Variants in PRKCE observed in about 807,000 individuals in gnomAD.
PRKCE encodes protein kinase C epsilon.
A neutral mutation model predicts 85.4 loss-of-function variants in PRKCE; 16 were observed. The ratio of observed to expected loss-of-function variants is 0.19; its 90% CI spans 0.13 to 0.28. The LOEUF is 0.28. Ranked by LOEUF, PRKCE falls within the 10% of genes least tolerant of loss-of-function variation. PRKCE has a pLI of 1.00. For synonymous variants in PRKCE, 388 were observed against 371.5 expected, an observed-to-expected ratio of 1.04 and a Z score of -0.51; for missense variants, 573 against 975.2, an observed-to-expected ratio of 0.59 and a Z score of 5.49.
chr2:46,107,252 T>G (rs148870802), intron 11 of PRKCE, among the ~76,000 whole-genome samples: 5 of 152,346 alleles, frequency 3.3e-5, no homozygotes, highest in African/African-American at 1.2e-4. Context: ...TCAGACAGTG[T>G]GTAACCTTTT....
chr2:45,903,318 A>G (rs938644797), intron 2 of PRKCE, among the ~76,000 whole-genome samples: 1 of 152,218 alleles, frequency 6.6e-6, no homozygotes, highest in Non-Finnish European at 1.5e-5. Context: ...TTTAAAAAAT[A>G]CTAATTTTGT....
chr2:45,916,262 C>A (rs1388009737), intron 2 of PRKCE, among the ~76,000 whole-genome samples: 2 of 139,102 alleles, frequency 1.4e-5, no homozygotes, highest in Non-Finnish European at 3.1e-5. Context: ...TTTTTTTAGA[C>A]AGGGTCTAGA....
rs1305314850 is a variant in PRKCE, at chr2:46,068,017, A to G, written c.1438-18191A>G. ...GTTTCCTTACTGGCTTACTGATTAT[A>G]TCACTCGCGAAGGGATTAGTCAGAA... On this transcript the variant is annotated intron_variant, in intron 10 of 14. Coordinates refer to ENST00000306156, the MANE Select transcript of PRKCE (RefSeq NM_005400.3). This position sits in a 1 kb window ranked among gnomAD's most constrained non-coding sequence, Gnocchi z 4.3. Among the ~76,000 whole-genome samples, 1 of 152,300 alleles carries G rather than the reference A, an allele frequency of 6.6e-6. No individual in the cohort carries two copies. The highest frequency in any genetic ancestry group is 2.4e-5 in the African/African-American group (1 of 41,568).
intron 1 of PRKCE, among the ~76,000 whole-genome samples, chr2:45,810,876 C>T (rs868200198): frequency 6.6e-6 from 1 of 152,148 alleles, no homozygotes; most frequent in African/African-American, 2.4e-5. Context: ...GGCTCCAAGA[C>T]AATGAAAGTC....
chr2:45,853,097 G>A (rs969112390), intron 2 of PRKCE, among the ~76,000 whole-genome samples: 2 of 152,094 alleles, frequency 1.3e-5, no homozygotes, highest in Non-Finnish European at 2.9e-5. Context: ...CTCGAGTCCC[G>A]ATCACTTAGT....
chr2:45,827,083 C>T (rs1259738345), intron 1 of PRKCE, among the ~76,000 whole-genome samples: 7 of 152,330 alleles, frequency 4.6e-5, no homozygotes, highest in South Asian at 4.1e-4. Flanking sequence ...AGCCAAAGCA[C>T]GTGCCAGGCC....
chr2:45,716,342 C>T (rs1680081932), intron 1 of PRKCE, among the ~76,000 whole-genome samples: 1 of 152,078 alleles, frequency 6.6e-6, no homozygotes, highest in Non-Finnish European at 1.5e-5. Context: ...CATGGTGAAA[C>T]CCTGTGTCTA....
intron 1 of PRKCE, among the ~76,000 whole-genome samples, chr2:45,801,023 T>C (rs1044363206): frequency 7.9e-5 from 12 of 151,422 alleles, no homozygotes; most frequent in African/African-American, 2.9e-4. Context: ...TAAGAATTAG[T>C]GGGGGGAAGG....
intron 11 of PRKCE, among the ~76,000 whole-genome samples, chr2:46,124,118 A>G (rs1673614909): frequency 6.6e-6 from 1 of 152,200 alleles, no homozygotes; most frequent in Non-Finnish European, 1.5e-5. Context: ...GGAGGTCAGG[A>G]GTTCAAGACC....
At chr2:45,734,865 G>T (rs1249275415) in intron 1 of PRKCE, among the ~76,000 whole-genome samples, 1 of 152,228 alleles carries the variant, frequency 6.6e-6, no homozygotes, top group Non-Finnish European at 1.5e-5. Flanking sequence ...TTATGGGAAA[G>T]GTCTAGCCTC....
intron 1 of PRKCE, among the ~76,000 whole-genome samples, chr2:45,769,223 AG>A (rs1685129167): frequency 1.3e-5 from 2 of 152,200 alleles, no homozygotes; most frequent in Non-Finnish European, 2.9e-5. Flanking sequence ...TCTTGACAAA[AG>A]TCTTTTCATC....
chr2:45,864,800 A>T lies in PRKCE; in HGVS notation c.412+21737A>T, dbSNP rs185647549. Among the ~76,000 whole-genome samples, 17 of 152,288 alleles carry T rather than the reference A, an allele frequency of 1.1e-4. No individual in the cohort carries two copies. The East Asian group carries it at 3.3e-3, about 29-fold the overall frequency. On this transcript the variant is annotated intron_variant, in intron 2 of 14. Transcript: ENST00000306156. Reference sequence around the variant, plus strand: ...AGGTAGAGTACTTGCTTTCATAATCATCTCTTGCTGCTTGGAGCTCTGGAT... The same window carrying T: ...AGGTAGAGTACTTGCTTTCATAATCTTCTCTTGCTGCTTGGAGCTCTGGAT...
rs375477503 is a variant in PRKCE at position 46,176,993 on chromosome 2, C to A, written c.2068-7742C>A. 7.2e-5 allele frequency among the ~76,000 whole-genome samples: 11 copies of A among 152,284 alleles called. No individual in the cohort carries two copies. In the East Asian group the frequency reaches 2.1e-3, roughly 29 times the overall value. ...TCAGAAAGCTAGGTATGTCTGTTATCTCTACTTCCTAGGTAAATACACTGA... is the reference window on the plus strand; with the variant it reads ...TCAGAAAGCTAGGTATGTCTGTTATATCTACTTCCTAGGTAAATACACTGA... On this transcript the variant is annotated intron_variant, in intron 14 of 14. Coordinates refer to ENST00000306156, the MANE Select transcript of PRKCE (RefSeq NM_005400.3).
intron 2 of PRKCE, among the ~76,000 whole-genome samples, chr2:45,883,752 G>A (rs72872502): frequency 0.051 from 7,787 of 152,230 alleles, 676 homozygotes; most frequent in African/African-American, 0.18. Flanking sequence ...TGGAAGGAAG[G>A]ACAAATGGGG....
At chr2:46,101,391 A>G (rs1239126884) in intron 11 of PRKCE, among the ~76,000 whole-genome samples, 6 of 152,238 alleles carry the variant, frequency 3.9e-5, no homozygotes, top group African/African-American at 1.4e-4. Context: ...GAGAGATCCA[A>G]TGGGCTAAGT....
intron 1 of PRKCE, among the ~76,000 whole-genome samples, chr2:45,796,872 C>T (rs911290989): frequency 8.5e-5 from 13 of 152,322 alleles, no homozygotes; most frequent in East Asian, 1.9e-4. Context: ...CGCGCCTCAG[C>T]GTCCCAGAGT....
At chr2:46,180,554 A>G (rs1002231403) in intron 14 of PRKCE, among the ~76,000 whole-genome samples, 3 of 152,212 alleles carry the variant, frequency 2.0e-5, no homozygotes, top group African/African-American at 7.2e-5. Flanking sequence ...CTCAGCCCCT[A>G]ACTTCAGGAA....
At chr2:45,992,579 C>T (rs972796479) in intron 6 of PRKCE, among the ~76,000 whole-genome samples, 1 of 152,218 alleles carries the variant, frequency 6.6e-6, no homozygotes, top group Admixed American at 6.5e-5. Context: ...TGACTGGAAC[C>T]TGTTATGAAA....
intron 1 of PRKCE, among the ~76,000 whole-genome samples, chr2:45,666,950 C>G (rs899380902): frequency 8.5e-5 from 13 of 152,184 alleles, no homozygotes; most frequent in Non-Finnish European, 1.9e-4. Flanking sequence ...AAGGGATCCT[C>G]TTGCCTCAGC....
Sources: allele counts gnomAD v4.1 joint callset (sites outside exome capture counted in the v4.1 genomes callset), GRCh38; gene constraint gnomAD v4.1.1; non-coding constraint Gnocchi (gnomAD v3.1); transcripts MANE v1.5; gene names NCBI Gene and HGNC (gene_info 2026-07-23, HGNC 2026-07-21).